NBPF3: variants seen among roughly 807,000 people sequenced by gnomAD.
NBPF3 encodes NBPF member 3, also known as NBPF family member NBPF3.
Under a neutral mutation model 78.1 loss-of-function variants are expected in NBPF3, and 57 were observed. The observed-to-expected ratio is 0.73, with a 90% CI of 0.59 to 0.91. NBPF3 has a LOEUF of 0.91. Among genes scored for constraint, NBPF3 ranks in the 40% least tolerant of loss-of-function variants. The pLI is 0.00. For synonymous variants in NBPF3, 182 were observed against 271.7 expected, an observed-to-expected ratio of 0.67 and a Z score of 3.25; for missense variants, 510 against 715.3, an observed-to-expected ratio of 0.71 and a Z score of 3.27.
chr1:21,459,254 A>G (rs1388405699), intron 2 of NBPF3, among the ~76,000 whole-genome samples: 1 of 152,236 alleles, frequency 6.6e-6, no homozygotes, highest in Admixed American at 6.5e-5. Context: ...TAGAATAGGC[A>G]AGTCGGTCTT....
chr1:21,462,356 G>A (rs1388503292), intron 2 of NBPF3, among the ~76,000 whole-genome samples: 4 of 152,112 alleles, frequency 2.6e-5, no homozygotes, highest in Non-Finnish European at 5.9e-5. Flanking sequence ...CTTTAACTGG[G>A]TGTTACTTTA....
upstream of NBPF3, among the ~76,000 whole-genome samples, chr1:21,439,952 G>C (rs1473561282): frequency 1.3e-5 from 2 of 152,174 alleles, no homozygotes; most frequent in African/African-American, 4.8e-5. Context: ...AGCTGCACTC[G>C]GTGCATCACC....
At chr1:21,437,082 G>T (rs186356069), upstream of NBPF3, among the ~76,000 whole-genome samples, 18 of 152,258 alleles carry the variant, frequency 1.2e-4, 1 homozygote, top group East Asian at 3.5e-3. Flanking sequence ...AGGAGGCTGC[G>T]GCAGTGTTAG....
chr1:21,467,343 C>A (rs937423483), intron 2 of NBPF3: 2 of 985,472 alleles, frequency 2.0e-6, no homozygotes, highest in African/African-American at 1.7e-5. Context: ...GAGACCTGGG[C>A]TACAGAACAG....
chr1:21,439,691 G>C (rs115737209), upstream of NBPF3, among the ~76,000 whole-genome samples: 1 of 151,770 alleles, frequency 6.6e-6, no homozygotes, highest in Non-Finnish European at 1.5e-5. Flanking sequence ...TTTTCGTCCA[G>C]GCTGGTCTCG....
In NBPF3 at chr1:21,482,164, G is replaced by A. The variant is rs527782615; in HGVS notation, c.1607-320G>A. 1.7e-4 allele frequency among the ~76,000 whole-genome samples: 26 copies of A among 150,786 alleles called. 3 individuals carry two copies. Among genetic ancestry groups the A allele is most frequent in the African/African-American group, 5.7e-4 (23 of 40,622 alleles). On this transcript the variant is annotated intron_variant, in intron 13 of 14. Coordinates refer to ENST00000318249, the MANE Select transcript of NBPF3 (RefSeq NM_032264.6). ...TGATGAGACAGGGCTGAATATTGCA[G>A]TTTTTCTCCTAGAAATCGTTTGAGG...
intron 8 of NBPF3, 62 bp downstream of exon 8, chr1:21,475,013 A>G: frequency 4.1e-6 from 6 of 1,450,402 alleles, no homozygotes; most frequent in Non-Finnish European, 5.8e-6. Flanking sequence ...GTAGATTTAG[A>G]GAAAATGAGG....
rs199906806 is a variant in NBPF3, at chr1:21,468,710, C to T, written c.156C>T (p.Ala52=). The part of the protein sequence containing the change: ...DPTVPGPTSS[A]TNVSMVVSAG... ...CAGTCCCTGGCCCCACCTCTTCTGC[C>T]ACAAACGTCAGCATGGTGGTATCTG... Residue 52 remains alanine (A), a synonymous_variant, in exon 3 of 15, where the codon GCC becomes GCT. Transcript: ENST00000318249. 9.3e-6 allele frequency: 15 copies of T among 1,613,220 alleles called. No individual in the cohort carries two copies. The highest frequency in any genetic ancestry group is 1.1e-5 in the Non-Finnish European group (13 of 1,179,370).
chr1:21,469,651 G>T (rs1042447452), intron 3 of NBPF3, among the ~76,000 whole-genome samples: 1 of 152,184 alleles, frequency 6.6e-6, no homozygotes, highest in Non-Finnish European at 1.5e-5. Flanking sequence ...CTTGCATCCA[G>T]GAGGCAGAGG....
intron 11 of NBPF3, among the ~76,000 whole-genome samples, chr1:21,480,682 C>T (rs1314704154): frequency 6.6e-6 from 1 of 152,310 alleles, no homozygotes; most frequent in South Asian, 2.1e-4. Flanking sequence ...ACTGTTTGCA[C>T]AAACTTGGGA....
intron 5 of NBPF3, among the ~76,000 whole-genome samples, chr1:21,472,422 G>A (rs1026167728): frequency 2.6e-5 from 4 of 152,228 alleles, no homozygotes; most frequent in African/African-American, 7.2e-5. Context: ...TGGAGGGCCT[G>A]TGCAGTCTCC....
chr1:21,445,246 C>T (rs758219534), intron 2 of NBPF3, 27 bp downstream of exon 2: 52 of 1,608,354 alleles, frequency 3.2e-5, no homozygotes, highest in African/African-American at 1.2e-4. Context: ...ATTGCCAGCT[C>T]GGTGGGGTCA....
chr1:21,442,862 A>G (rs1176871175), intron 1 of NBPF3, among the ~76,000 whole-genome samples: 1 of 151,932 alleles, frequency 6.6e-6, no homozygotes, highest in Non-Finnish European at 1.5e-5. Context: ...GGGTTGCAAC[A>G]TGTTTCCCAG....
chr1:21,484,768 T>C lies in NBPF3; in HGVS notation c.*1382T>C, dbSNP rs796758720. 5.3e-4 allele frequency: 34 copies of C among 64,450 alleles called. 4 individuals are homozygous for C. Among genetic ancestry groups the C allele is most frequent in the African/African-American group, 1.1e-3 (28 of 24,756 alleles). The allele number at this position is 64,450 out of a possible 1,614,324, so 4.0% of individuals were successfully genotyped here. A position where few individuals can be genotyped will look rare whatever the true frequency, so the allele number is the denominator to read the frequency against. On this transcript the variant is annotated 3_prime_UTR_variant, in exon 15 of 15. Coordinates refer to ENST00000318249, the MANE Select transcript of NBPF3 (RefSeq NM_032264.6). ...TATATTCATATCTCTACGCTGGAAA[T>C]TTGCTGCCTCAATGTTTACTGTGCC...
rs182377294 is a variant in NBPF3, at chr1:21,441,994, G to A, written c.-140+1646G>A. Among the ~76,000 whole-genome samples the A allele has an allele frequency of 1.1e-4, 17 of 152,280 alleles. No individual in the cohort carries two copies. The East Asian group carries it at 3.3e-3, about 29-fold the overall frequency. Reference sequence around the variant, plus strand: ...TAATATATCAGTGTGGTTTCATTGAGATTGAGTATCTTTTATTGCCATTTA... The same window carrying A: ...TAATATATCAGTGTGGTTTCATTGAAATTGAGTATCTTTTATTGCCATTTA... On this transcript the variant is annotated intron_variant, in intron 1 of 14. Coordinates refer to ENST00000318249, the MANE Select transcript of NBPF3 (RefSeq NM_032264.6).
chr1:21,471,919 T>A, intron 5 of NBPF3, 136 bp downstream of exon 5: 1 of 1,223,164 alleles, frequency 8.2e-7, no homozygotes. Flanking sequence ...ATAAGTGACA[T>A]AACCAGGACT....
In NBPF3 at chr1:21,445,196, A is replaced by C. The variant is rs1353964281; in HGVS notation, c.110A>C (p.His37Pro). 1.9e-6 allele frequency: 3 copies of C among 1,611,866 alleles called. No individual in the cohort carries two copies. Among genetic ancestry groups the C allele is most frequent in the Non-Finnish European group, 2.5e-6 (3 of 1,179,756 alleles). Residue 37 changes from histidine to proline, a missense_variant, in exon 2 of 15, where the codon CAT (histidine) becomes CCT (proline). This residue lies in a region of NBPF3 where 440 missense variants were observed against 478.2 expected (regional missense o/e 0.92). Coordinates refer to ENST00000318249, the MANE Select transcript of NBPF3 (RefSeq NM_032264.6). ...PRAASHGVGR[H>P]QELRDPTVPG... ...GCAGCCTCACATGGTGTGGGCCGACATCAAGAGCTGCGAGATCCAACAGGT... is the reference window on the plus strand; with the variant it reads ...GCAGCCTCACATGGTGTGGGCCGACCTCAAGAGCTGCGAGATCCAACAGGT...
intron 2 of NBPF3, chr1:21,453,881 T>C (rs1261602024): frequency 6.6e-6 from 1 of 152,164 alleles, no homozygotes; most frequent in Admixed American, 6.5e-5. Flanking sequence ...GTGTATGCTG[T>C]AAATCTTCCT....
In NBPF3 at chr1:21,481,669, T is replaced by A. The variant is rs894672335; in HGVS notation, c.1506T>A (p.Thr502=). 6.2e-7 allele frequency: 1 copy of A among 1,606,268 alleles called. No individual in the cohort carries two copies. Among genetic ancestry groups the A allele is most frequent in the African/African-American group, 1.4e-5 (1 of 73,658 alleles). Reference sequence around the variant, plus strand: ...ACTCACTGGATAGATGGTATTCGACTCCTTTCAGTTATCCAGAACTGCCTG... The same window carrying A: ...ACTCACTGGATAGATGGTATTCGACACCTTTCAGTTATCCAGAACTGCCTG... ...LQDSLDRWYS[T]PFSYPELPDS... is the part of the protein sequence containing the mutation. Residue 502 remains threonine, a synonymous_variant, in exon 13 of 15, where the codon ACT becomes ACA. Coordinates refer to ENST00000318249, the MANE Select transcript of NBPF3 (RefSeq NM_032264.6).
Sources: gnomAD v4.1 joint callset for allele counts (sites outside exome capture counted in the v4.1 genomes callset) on GRCh38, gnomAD v4.1.1 for gene constraint, gnomAD v4.1.1 regional missense constraint, MANE v1.5 for transcripts, NCBI Gene and HGNC (gene_info 2026-07-23, HGNC 2026-07-21) for gene names.